The following WWOX variants were observed in gnomAD, a reference collection of about 807,000 sequenced individuals.
WWOX encodes the protein WW domain-containing oxidoreductase.
Under a neutral mutation model 46.2 loss-of-function variants are expected in WWOX, and 69 were observed. The ratio of observed to expected loss-of-function variants is 1.49; its 90% CI spans 1.23 to 1.82. The LOEUF (loss-of-function observed/expected upper bound fraction) is 1.82, where lower values mean the gene tolerates loss of function less well. WWOX is among the 40% of genes most tolerant of loss of function. The probability of loss-of-function intolerance (pLI) is 0.00; values close to 1 mark genes in which losing one functional copy is unlikely to be tolerated. For synonymous variants in WWOX, 359 were observed against 202.6 expected, an observed-to-expected ratio of 1.77 and a Z score of -6.56; for missense variants, 919 against 542.6, an observed-to-expected ratio of 1.69 and a Z score of -6.89.
intron 8 of WWOX, among the ~76,000 whole-genome samples, chr16:78,700,541 C>G (rs569464584): frequency 6.6e-6 from 1 of 152,266 alleles, no homozygotes; most frequent in Non-Finnish European, 1.5e-5. Flanking sequence ...GAGGTGTGCC[C>G]CAATTTACTG....
intron 8 of WWOX, among the ~76,000 whole-genome samples, chr16:78,693,306 C>T (rs1047743510): frequency 3.9e-5 from 6 of 152,150 alleles, no homozygotes; most frequent in Non-Finnish European, 5.9e-5. Context: ...CCCACCACTA[C>T]CCACAGGACC....
At chr16:78,474,222 A>G (rs2084302455) in intron 8 of WWOX, among the ~76,000 whole-genome samples, 1 of 152,210 alleles carries the variant, frequency 6.6e-6, no homozygotes, top group Non-Finnish European at 1.5e-5. Flanking sequence ...ATTGTTAGAA[A>G]ACAGTTTTAT....
At chr16:78,902,213 G>C (rs918528856) in intron 8 of WWOX, among the ~76,000 whole-genome samples, 10 of 152,196 alleles carry the variant, frequency 6.6e-5, no homozygotes, top group Admixed American at 2.6e-4. Context: ...CATCCTGTGT[G>C]CTGTAGTGTC....
intron 8 of WWOX, among the ~76,000 whole-genome samples, chr16:78,644,143 A>T (rs972325400): frequency 1.3e-5 from 2 of 152,058 alleles, no homozygotes; most frequent in Admixed American, 1.3e-4. Flanking sequence ...AATCATTTGA[A>T]CCTGGGAGGT....
intron 4 of WWOX, among the ~76,000 whole-genome samples, chr16:78,157,057 ACT>A (rs1345323770): frequency 5.3e-5 from 8 of 150,232 alleles, no homozygotes; most frequent in Non-Finnish European, 1.0e-4. Flanking sequence ...TCTCATTTCC[ACT>A]CTCTTACATC....
At chr16:78,662,852 G>A (rs754904893) in intron 8 of WWOX, among the ~76,000 whole-genome samples, 4 of 152,102 alleles carry the variant, frequency 2.6e-5, no homozygotes, top group Non-Finnish European at 5.9e-5. Context: ...GTTGCCACAT[G>A]GGCCTCTGCA....
rs192848400 is a variant in WWOX, at chr16:78,753,273, C to G, written c.1056+320521C>G. Among the ~76,000 whole-genome samples the G allele has an allele frequency of 2.3e-3, 345 of 152,054 alleles. 1 individual carries two copies. The highest frequency in any genetic ancestry group is 7.9e-3 in the African/African-American group (329 of 41,454). On this transcript the variant is annotated intron_variant, in intron 8 of 8. Coordinates refer to ENST00000566780, the MANE Select transcript of WWOX (RefSeq NM_016373.4). ...CGAGATTACACCACTACCCTCCAGC[C>G]TGGGCGACAGACTCCAGCCTGAGCG...
intron 8 of WWOX, chr16:78,535,563 G>A (rs1243990649): frequency 6.6e-6 from 1 of 152,220 alleles, no homozygotes; most frequent in Non-Finnish European, 1.5e-5. Flanking sequence ...GACTTTTTCT[G>A]TCTCTGATGC....
intron 8 of WWOX, among the ~76,000 whole-genome samples, chr16:78,743,775 G>C (rs2142425413): frequency 6.6e-6 from 1 of 152,208 alleles, no homozygotes; most frequent in South Asian, 2.1e-4. Flanking sequence ...ATTTGCATAG[G>C]AGTGTAACTT....
chr16:78,144,016 T>C (rs2034079669), intron 4 of WWOX, among the ~76,000 whole-genome samples: 1 of 152,158 alleles, frequency 6.6e-6, no homozygotes, highest in Non-Finnish European at 1.5e-5. Flanking sequence ...ATGAAGGTCT[T>C]GACAAGTGTG....
At chr16:78,153,056 G>T (rs539488767) in intron 4 of WWOX, among the ~76,000 whole-genome samples, 2 of 152,306 alleles carry the variant, frequency 1.3e-5, no homozygotes, top group South Asian at 4.1e-4. Flanking sequence ...GTGTAGTTTT[G>T]TAAGTTCTTA....
chr16:79,118,831 ATGT>A (rs1333248439), intron 8 of WWOX, among the ~76,000 whole-genome samples: 2 of 152,116 alleles, frequency 1.3e-5, no homozygotes, highest in Non-Finnish European at 2.9e-5. Flanking sequence ...ACATTTCATC[ATGT>A]TGTTCTAAAT....
intron 6 of WWOX, among the ~76,000 whole-genome samples, chr16:78,417,040 G>GGTGTGTGTGTGTGTGTGTGTGTGTGT (rs143606762): frequency 1.5e-4 from 22 of 151,264 alleles, no homozygotes; most frequent in African/African-American, 4.7e-4. Context: ...ACCCTTTGGG[G>GGTGTGTGTGTGTGTGTGTGTGTGTGT]GTGTGTGTGT....
intron 5 of WWOX, among the ~76,000 whole-genome samples, chr16:78,266,529 G>A (rs530069128): frequency 2.6e-5 from 4 of 152,248 alleles, no homozygotes; most frequent in African/African-American, 9.6e-5. Flanking sequence ...CTGAAGGCAG[G>A]ATAGCATAGG....
chr16:78,784,415 C>T (rs979561589), intron 8 of WWOX, among the ~76,000 whole-genome samples: 1 of 151,892 alleles, frequency 6.6e-6, no homozygotes, highest in African/African-American at 2.4e-5. Flanking sequence ...TTTCTCCACC[C>T]AGGAGCCCTT....
intron 3 of WWOX, among the ~76,000 whole-genome samples, chr16:78,114,089 CT>C (rs759734805): frequency 0.18 from 18,959 of 104,052 alleles, 1,357 homozygotes; most frequent in South Asian, 0.22. Context: ...CCATATGTGC[CT>C]TTTTTTTTTT....
chr16:79,184,663 AC>A, intron 8 of WWOX, among the ~76,000 whole-genome samples: 1 of 152,048 alleles, frequency 6.6e-6, no homozygotes, highest in Non-Finnish European at 1.5e-5. Flanking sequence ...GAAGTCTCCC[AC>A]CCCGTGGTGA....
chr16:78,702,044 T>TATATATATATATATATATATAA (rs1419045896), intron 8 of WWOX, among the ~76,000 whole-genome samples: 2 of 110,032 alleles, frequency 1.8e-5, no homozygotes, highest in African/African-American at 7.7e-5. Flanking sequence ...TATATATATA[T>TATATATATATATATATATATAA]AAAATAATGC....
chr16:79,211,655 G>A lies in WWOX; in HGVS notation c.1104G>A (p.Leu368=), dbSNP rs758720999. ...TGTACTGTGCTGCTGTCCCAGAACT[G>A]GAGGGTCTGGGAGGGATGTACTTCA... ...TTVYCAAVPE[L]EGLGGMYFNN... The change falls in exon 9 of 9, where the codon CTG becomes CTA. Residue 368 remains leucine (L), a synonymous_variant. Coordinates refer to ENST00000566780, the MANE Select transcript of WWOX (RefSeq NM_016373.4). The A allele has an allele frequency of 1.9e-6, 3 of 1,614,210 alleles. No homozygotes were observed. Among genetic ancestry groups the A allele is most frequent in the South Asian group, 1.1e-5 (1 of 91,090 alleles).
Sources: allele counts gnomAD v4.1 joint callset (sites outside exome capture counted in the v4.1 genomes callset), GRCh38; gene constraint gnomAD v4.1.1; transcripts MANE v1.5; gene names NCBI Gene and HGNC (gene_info 2026-07-23, HGNC 2026-07-21).